Variants in GREM2 observed in about 807,000 individuals in gnomAD.
GREM2 encodes gremlin-2.
Under a neutral mutation model 14.2 loss-of-function variants are expected in GREM2, and 11 were observed. The ratio of observed to expected loss-of-function variants is 0.78; its 90% CI spans 0.49 to 1.28. GREM2 has a LOEUF of 1.28. GREM2 is among the 50% of genes most tolerant of loss of function. The pLI is 0.00. For synonymous variants in GREM2, 98 were observed against 97.6 expected (o/e 1.00, Z -0.02); for missense variants, 210 against 218.5 (o/e 0.96, Z 0.24).
chr1:240,510,547 G>A (rs1020169975), intron 1 of GREM2, among the ~76,000 whole-genome samples: 2 of 152,106 alleles, frequency 1.3e-5, no homozygotes, highest in African/African-American at 2.4e-5. Flanking sequence ...ACTAGATAGA[G>A]CTGGTGGTTG....
intron 1 of GREM2, among the ~76,000 whole-genome samples, chr1:240,563,058 TGA>T (rs1679098005): frequency 6.7e-6 from 1 of 149,652 alleles, no homozygotes; most frequent in South Asian, 2.1e-4. Flanking sequence ...ATGTGTATAG[TGA>T]GTGTGTATGT....
At position 240,602,217 on chromosome 1, in the gene GREM2, G is replaced by A. The variant is rs1679937847; in HGVS notation, c.-2+9667C>T. Among the ~76,000 whole-genome samples, 3 of 152,176 alleles carry A rather than the reference G, an allele frequency of 2.0e-5. No homozygotes were observed. In the South Asian group the frequency reaches 6.2e-4, roughly 32 times the overall value. On this transcript the variant is annotated intron_variant, in intron 1 of 1. Transcript: ENST00000318160. ...TCAACACTTCCACTAAGCTGAACAG[G>A]AAGAGAGGTTGCTTGTCTTATCATT...
At chr1:240,610,657 G>A (rs994095497) in intron 1 of GREM2, among the ~76,000 whole-genome samples, 1 of 152,374 alleles carries the variant, frequency 6.6e-6, no homozygotes. Context: ...TGAATGGTGA[G>A]TCGATTGCGA....
At chr1:240,601,770 G>A (rs776778368) in intron 1 of GREM2, among the ~76,000 whole-genome samples, 27 of 152,190 alleles carry the variant, frequency 1.8e-4, no homozygotes, top group Non-Finnish European at 3.1e-4. Flanking sequence ...AGCCAGGCAT[G>A]GTGGCACATG....
chr1:240,525,988 T>C (rs2103308749), intron 1 of GREM2, among the ~76,000 whole-genome samples: 1 of 152,340 alleles, frequency 6.6e-6, no homozygotes, highest in South Asian at 2.1e-4. Flanking sequence ...TGCATTTCTC[T>C]GGCCATTCTT....
At position 240,504,710 on chromosome 1, in the gene GREM2, A is replaced by T. The variant is rs558236689; in HGVS notation, c.-1-11234T>A. Among the ~76,000 whole-genome samples the T allele has an allele frequency of 2.0e-5, 3 of 152,302 alleles. No individual in the cohort carries two copies. In the South Asian group the frequency reaches 6.2e-4, roughly 32 times the overall value. On this transcript the variant is annotated intron_variant, in intron 1 of 1. Transcript: ENST00000318160. The stretch of plus-strand genomic sequence containing the variant: ...TTTGCAAGTCAGGCTGTTTCCCATA[A>T]TTTTCTTTAAACCAAAATTAAAGGA...
chr1:240,546,039 C>G (rs200724189), intron 1 of GREM2, among the ~76,000 whole-genome samples: 2 of 152,078 alleles, frequency 1.3e-5, no homozygotes, highest in East Asian at 3.9e-4. Context: ...TTTCTCTAAG[C>G]AGAATTTGTT....
chr1:240,515,401 A>G (rs1420421251), intron 1 of GREM2, among the ~76,000 whole-genome samples: 1 of 152,220 alleles, frequency 6.6e-6, no homozygotes, highest in Non-Finnish European at 1.5e-5. Flanking sequence ...TTCACACTCC[A>G]TAGTTAAAAT....
chr1:240,521,316 C>A (rs548158447), intron 1 of GREM2, among the ~76,000 whole-genome samples: 4 of 152,164 alleles, frequency 2.6e-5, no homozygotes, highest in African/African-American at 9.7e-5. Context: ...CGCCTGTAAT[C>A]CCAGCACTTT....
chr1:240,530,405 TCA>T (rs1678326118), intron 1 of GREM2: 1 of 152,168 alleles, frequency 6.6e-6, no homozygotes, highest in African/African-American at 2.4e-5. Context: ...AATTCTCTCA[TCA>T]TTTCTGGTTC....
rs1419228051 is a variant in GREM2 at position 240,493,382 on chromosome 1, A to G, written c.94T>C (p.Ser32Pro). ...RKNRPAGAIP[S>P]PYKDGSSNNS... is the part of the protein sequence containing the mutation. ...TTGCTGCTGCCGTCCTTGTAAGGCG[A>G]GGGGATGGCGCCCGCCGGCCGGTTC... The change falls in exon 2 of 2, where the codon TCG (serine) becomes CCG (proline). Residue 32 changes from serine (S) to proline (P), a missense_variant. Ser to Pro is a moderately conservative substitution (Grantham distance 74). Transcript: ENST00000318160. The G allele has an allele frequency of 1.2e-6, 2 of 1,613,348 alleles. No individual in the cohort carries two copies. Among genetic ancestry groups the G allele is most frequent in the African/African-American group, 2.7e-5 (2 of 74,888 alleles).
chr1:240,573,597 G>A (rs772303717), intron 1 of GREM2, among the ~76,000 whole-genome samples: 2 of 152,138 alleles, frequency 1.3e-5, no homozygotes, highest in Non-Finnish European at 2.9e-5. Flanking sequence ...GGCGTCCTGC[G>A]ATCTTGATGC....
chr1:240,606,481 C>T (rs899615177), intron 1 of GREM2, among the ~76,000 whole-genome samples: 5 of 152,154 alleles, frequency 3.3e-5, no homozygotes, highest in African/African-American at 1.2e-4. Context: ...CCAACAAACA[C>T]CACTGTAATC....
chr1:240,520,646 A>G (rs558961427), intron 1 of GREM2, among the ~76,000 whole-genome samples: 2 of 152,018 alleles, frequency 1.3e-5, no homozygotes, highest in African/African-American at 2.4e-5. Context: ...GGGTTCAAGC[A>G]ATTCTCCTGC....
At chr1:240,552,352 G>A (rs748079011) in intron 1 of GREM2, among the ~76,000 whole-genome samples, 1 of 152,056 alleles carries the variant, frequency 6.6e-6, no homozygotes, top group South Asian at 2.1e-4. Flanking sequence ...AGGCTGAGGT[G>A]GGGGGGTCGC....
chr1:240,526,778 T>C (rs1485955832), intron 1 of GREM2, among the ~76,000 whole-genome samples: 1 of 152,216 alleles, frequency 6.6e-6, no homozygotes, highest in Admixed American at 6.5e-5. Flanking sequence ...ATCTGTGCTT[T>C]AGTGAAAGTC....
intron 1 of GREM2, among the ~76,000 whole-genome samples, chr1:240,498,771 C>T (rs1039900861): frequency 1.8e-4 from 28 of 152,184 alleles, no homozygotes; most frequent in African/African-American, 6.5e-4. Flanking sequence ...AACGACAGCA[C>T]GAGGATACTT....
chr1:240,590,471 C>T (rs1679686721), intron 1 of GREM2, among the ~76,000 whole-genome samples: 1 of 146,380 alleles, frequency 6.8e-6, no homozygotes. Flanking sequence ...TTCTTATGGT[C>T]CAAGCTGGAA....
intron 1 of GREM2, among the ~76,000 whole-genome samples, chr1:240,574,682 G>C (rs1469518599): frequency 6.6e-6 from 1 of 151,810 alleles, no homozygotes; most frequent in East Asian, 1.9e-4. Flanking sequence ...GGAAGAAGAG[G>C]GCAAAAATGA....
Sources: allele counts gnomAD v4.1 joint callset (sites outside exome capture counted in the v4.1 genomes callset), GRCh38; gene constraint gnomAD v4.1.1; transcripts MANE v1.5; gene names NCBI Gene and HGNC (gene_info 2026-07-23, HGNC 2026-07-21).